WWOX: variants seen among roughly 807,000 people sequenced by gnomAD.
WWOX encodes the protein WW domain containing oxidoreductase, also known as WW domain-containing oxidoreductase.
In WWOX, 69 loss-of-function variants were observed where a neutral mutation model predicts 46.2. The ratio of observed to expected loss-of-function variants is 1.49; its 90% CI spans 1.23 to 1.82. The LOEUF (loss-of-function observed/expected upper bound fraction) is 1.82, where lower values mean the gene tolerates loss of function less well. WWOX is among the 40% of genes most tolerant of loss of function. The probability of loss-of-function intolerance (pLI) is 0.00; values close to 1 mark genes in which losing one functional copy is unlikely to be tolerated. For synonymous variants in WWOX, 359 were observed against 202.6 expected (o/e 1.77, Z -6.56); for missense variants, 919 against 542.6 (o/e 1.69, Z -6.89).
At chr16:79,076,307 C>T (rs1191792128) in intron 8 of WWOX, among the ~76,000 whole-genome samples, 2 of 152,190 alleles carry the variant, frequency 1.3e-5, no homozygotes, top group East Asian at 1.9e-4. Context: ...ATCTGGATGA[C>T]TTGATTTCTT....
chr16:79,205,482 C>G (rs1446435745), intron 8 of WWOX: 2 of 152,180 alleles, frequency 1.3e-5, no homozygotes, highest in South Asian at 2.1e-4. Context: ...GGCATGTTCT[C>G]TTCTGGAGGG....
At chr16:78,850,130 C>A (rs2052405034) in intron 8 of WWOX, among the ~76,000 whole-genome samples, 1 of 151,788 alleles carries the variant, frequency 6.6e-6, no homozygotes, top group African/African-American at 2.4e-5. Context: ...CAGAAGTTTT[C>A]ACTACCAGTT....
chr16:78,605,186 C>A (rs1232433986), intron 8 of WWOX, among the ~76,000 whole-genome samples: 1 of 151,064 alleles, frequency 6.6e-6, no homozygotes, highest in East Asian at 2.0e-4. Flanking sequence ...GTATCTGTAT[C>A]CTGTGAGTTT....
intron 8 of WWOX, among the ~76,000 whole-genome samples, chr16:78,971,120 G>T (rs891169760): frequency 2.0e-5 from 3 of 151,982 alleles, no homozygotes; most frequent in African/African-American, 4.8e-5. Flanking sequence ...TTCTAGTCCA[G>T]TGTGAGCCAT....
intron 8 of WWOX, among the ~76,000 whole-genome samples, chr16:78,487,781 C>T (rs2084675934): frequency 6.6e-6 from 1 of 152,144 alleles, no homozygotes; most frequent in Non-Finnish European, 1.5e-5. Flanking sequence ...TCCAGAGCTA[C>T]ATTCTTAGCT....
chr16:78,706,084 A>G (rs890604394), intron 8 of WWOX, among the ~76,000 whole-genome samples: 1 of 84,786 alleles, frequency 1.2e-5, no homozygotes, highest in Non-Finnish European at 2.4e-5. Flanking sequence ...TTTTTTGACT[A>G]AATTCACCCA....
chr16:79,057,389 C>A (rs926855531), intron 8 of WWOX, among the ~76,000 whole-genome samples: 1 of 152,206 alleles, frequency 6.6e-6, no homozygotes, highest in Non-Finnish European at 1.5e-5. Context: ...AATTCACCGG[C>A]CATAGCATTT....
At chr16:79,132,816 C>T (rs1200169553) in intron 8 of WWOX, among the ~76,000 whole-genome samples, 1 of 152,154 alleles carries the variant, frequency 6.6e-6, no homozygotes, top group Non-Finnish European at 1.5e-5. Flanking sequence ...AAGAGAGTGT[C>T]CCAATTATTT....
At chr16:78,472,595 G>C (rs1181078785) in intron 8 of WWOX, among the ~76,000 whole-genome samples, 1 of 151,976 alleles carries the variant, frequency 6.6e-6, no homozygotes, top group African/African-American at 2.4e-5. Context: ...GATCACCTGA[G>C]GTCAGGAGTT....
intron 8 of WWOX, among the ~76,000 whole-genome samples, chr16:78,773,037 GCAAAACAAACAAA>G (rs1472934560): frequency 6.6e-6 from 1 of 151,984 alleles, no homozygotes; most frequent in Non-Finnish European, 1.5e-5. Flanking sequence ...TGTCTCCAAA[GCAAAACAAACAAA>G]CAAAAGAAAC....
At chr16:78,397,648 A>T (rs1474739609) in intron 6 of WWOX, among the ~76,000 whole-genome samples, 1 of 152,222 alleles carries the variant, frequency 6.6e-6, no homozygotes, top group African/African-American at 2.4e-5. Context: ...TTGTCCCATG[A>T]GTAAAATAGA....
intron 8 of WWOX, among the ~76,000 whole-genome samples, chr16:78,974,442 C>T (rs1388446079): frequency 6.6e-6 from 1 of 152,178 alleles, no homozygotes; most frequent in Non-Finnish European, 1.5e-5. Context: ...ATTGTTCAGC[C>T]TCAAGTTCCA....
intron 8 of WWOX, among the ~76,000 whole-genome samples, chr16:78,886,961 T>G (rs1282280958): frequency 6.6e-6 from 1 of 152,026 alleles, no homozygotes; most frequent in South Asian, 2.1e-4. Flanking sequence ...TTCTTAAAGT[T>G]TATAGGGTCT....
chr16:78,527,332 T>A (rs1010078568), intron 8 of WWOX, among the ~76,000 whole-genome samples: 1 of 151,308 alleles, frequency 6.6e-6, no homozygotes, highest in African/African-American at 2.4e-5. Context: ...CTCACTCTGT[T>A]GCCTAGACTA....
Position 78,460,798 on chromosome 16 carries a change from A to G in WWOX, c.1056+28046A>G, listed in dbSNP as rs144648292. On this transcript the variant is annotated intron_variant, in intron 8 of 8. Transcript: ENST00000566780. ...TTACGCCATCCTCCTGACCATAAAT[A>G]CTAAATGAATACTCTATTTCAGTTG... 4.6e-5 allele frequency among the ~76,000 whole-genome samples: 7 copies of G among 152,348 alleles called. No individual in the cohort carries two copies. In the East Asian group the frequency reaches 9.6e-4, roughly 21 times the overall value.
intron 8 of WWOX, among the ~76,000 whole-genome samples, chr16:78,512,282 C>T (rs1451704111): frequency 6.6e-6 from 1 of 152,022 alleles, no homozygotes; most frequent in Non-Finnish European, 1.5e-5. Context: ...TTATGGATCA[C>T]ATTATAAAAG....
At chr16:78,275,492 G>A (rs1251518943) in intron 5 of WWOX, among the ~76,000 whole-genome samples, 1 of 152,256 alleles carries the variant, frequency 6.6e-6, no homozygotes, top group Admixed American at 6.5e-5. Context: ...GGAGGTATGT[G>A]CTGAGGATCT....
At chr16:78,334,846 ACACACACAC>A (rs1471130538) in intron 5 of WWOX, among the ~76,000 whole-genome samples, 1 of 140,780 alleles carries the variant, frequency 7.1e-6, no homozygotes, top group Admixed American at 6.9e-5. Context: ...ACACACACAC[ACACACACAC>A]AAAATCACCA....
chr16:78,842,566 C>G (rs954038891), intron 8 of WWOX, among the ~76,000 whole-genome samples: 1 of 152,162 alleles, frequency 6.6e-6, no homozygotes, highest in South Asian at 2.1e-4. Context: ...AAACAGTGTA[C>G]ATAGAATACA....
Sources: gnomAD v4.1 joint callset for allele counts (sites outside exome capture counted in the v4.1 genomes callset) on GRCh38, gnomAD v4.1.1 for gene constraint, MANE v1.5 for transcripts, NCBI Gene and HGNC (gene_info 2026-07-23, HGNC 2026-07-21) for gene names.